The following ATG10 variants were observed in gnomAD, a reference collection of about 807,000 sequenced individuals.
The protein encoded by ATG10 is ubiquitin-like-conjugating enzyme ATG10.
A neutral mutation model predicts 32.1 loss-of-function variants in ATG10; 30 were observed. That is an observed-to-expected ratio of 0.94 (90% CI 0.70 to 1.27). The LOEUF (loss-of-function observed/expected upper bound fraction) is 1.27. Among genes scored for constraint, ATG10 ranks in the 50% most tolerant of loss-of-function variants. The pLI, the probability that ATG10 is intolerant of heterozygous loss-of-function variation, is 0.00. For synonymous variants in ATG10, 87 were observed against 91.5 expected, an observed-to-expected ratio of 0.95 and a Z score of 0.28; for missense variants, 233 against 262.3, an observed-to-expected ratio of 0.89 and a Z score of 0.77.
At chr5:82,036,427 CT>C (rs1426742340) in intron 2 of ATG10, among the ~76,000 whole-genome samples, 1 of 152,010 alleles carries the variant, frequency 6.6e-6, no homozygotes, top group African/African-American at 2.4e-5. Context: ...AACCCCATCT[CT>C]ACTAAAAATA....
At chr5:81,992,430 A>T (rs943296896) in intron 2 of ATG10, 18 of 151,092 alleles carry the variant, frequency 1.2e-4, no homozygotes, top group African/African-American at 4.4e-4. Context: ...TTTTGAGACG[A>T]AGTCTCTGTC....
At chr5:82,101,763 C>A (rs951656645) in intron 3 of ATG10, among the ~76,000 whole-genome samples, 3 of 152,078 alleles carry the variant, frequency 2.0e-5, no homozygotes, top group Non-Finnish European at 2.9e-5. Context: ...TAGGAAGAGA[C>A]CTGATATGTA....
chr5:82,251,491 A>C (rs1308652064), intron 5 of ATG10, among the ~76,000 whole-genome samples: 1 of 152,154 alleles, frequency 6.6e-6, no homozygotes, highest in Non-Finnish European at 1.5e-5. Context: ...ACAAATAGGG[A>C]GGTCTGGCAT....
intron 3 of ATG10, among the ~76,000 whole-genome samples, chr5:82,089,734 GA>G (rs1360526843): frequency 6.6e-6 from 1 of 151,834 alleles, no homozygotes; most frequent in Non-Finnish European, 1.5e-5. Context: ...TCCATAAAAA[GA>G]AAAACTGATA....
rs111942684 is a variant in ATG10 at position 82,081,746 on chromosome 5, T to C, written c.216+23144T>C. 8.5e-3 allele frequency among the ~76,000 whole-genome samples: 1,296 copies of C among 152,358 alleles called. 15 individuals carry two copies. The highest frequency in any genetic ancestry group is 0.029 in the African/African-American group (1,215 of 41,580). ...GTGGATAAGCTTTTGGATGTGCTGC[T>C]GGATTCGGTTTGCCAGTATTTTATT... On this transcript the variant is annotated intron_variant, in intron 3 of 7. Transcript: ENST00000282185.
At chr5:82,250,634 A>G (rs1481836313) in intron 5 of ATG10, among the ~76,000 whole-genome samples, 1 of 152,002 alleles carries the variant, frequency 6.6e-6, no homozygotes, top group Non-Finnish European at 1.5e-5. Context: ...CTCCAGAATC[A>G]TGTTACCCTG....
chr5:82,210,239 A>G (rs1441531512), intron 5 of ATG10, among the ~76,000 whole-genome samples: 1 of 152,198 alleles, frequency 6.6e-6, no homozygotes, highest in Non-Finnish European at 1.5e-5. Flanking sequence ...TAAAAAATTT[A>G]CAGAGATACT....
At chr5:81,999,499 C>T (rs1761784036) in intron 2 of ATG10, among the ~76,000 whole-genome samples, 1 of 151,816 alleles carries the variant, frequency 6.6e-6, no homozygotes. Flanking sequence ...AGACCAACCC[C>T]AAAGCTAGCA....
intron 3 of ATG10, among the ~76,000 whole-genome samples, chr5:82,133,544 G>A (rs1420809940): frequency 2.0e-5 from 3 of 152,060 alleles, no homozygotes; most frequent in Middle Eastern, 6.8e-3. Context: ...GATGTGTGGT[G>A]TTATTTCTGA....
intron 5 of ATG10, among the ~76,000 whole-genome samples, chr5:82,182,592 T>C (rs2149930635): frequency 6.6e-6 from 1 of 152,244 alleles, no homozygotes; most frequent in East Asian, 1.9e-4. Flanking sequence ...CTTCAAAGAA[T>C]TATGCTGAGT....
In ATG10 at chr5:82,014,730, C is replaced by A. The variant is rs557709147; in HGVS notation, c.108+27052C>A. Among the ~76,000 whole-genome samples the A allele has an allele frequency of 6.6e-5, 10 of 152,152 alleles. No homozygotes were observed. The East Asian group carries it at 1.5e-3, about 23-fold the overall frequency. On this transcript the variant is annotated intron_variant, in intron 2 of 7. Coordinates refer to ENST00000282185, the MANE Select transcript of ATG10 (RefSeq NM_031482.5). ...TTTTGAGCCTATGTGTGTCTCTGCA[C>A]GTGAGATGGGTCTCCTGAATACAGC... is the stretch of plus-strand genomic sequence containing the variant.
At position 82,109,209 on chromosome 5, in the gene ATG10, AT is replaced by A. The variant is rs769844855; in HGVS notation, c.216+50609del. 3.3e-5 allele frequency among the ~76,000 whole-genome samples: 5 copies of A among 152,196 alleles called. No individual in the cohort carries two copies. The East Asian group carries it at 5.8e-4, about 18-fold the overall frequency. On this transcript the variant is annotated intron_variant, in intron 3 of 7. Transcript: ENST00000282185. ...TGTTCCTCAATCAGCAAATATTTGC[AT>A]TCTTGCTGTGTGCAAGGCCTTTGCC...
chr5:82,044,682 G>T (rs1256803866), intron 2 of ATG10, among the ~76,000 whole-genome samples: 3 of 152,128 alleles, frequency 2.0e-5, no homozygotes, highest in Admixed American at 1.3e-4. Flanking sequence ...TTGGACCACA[G>T]CTAAGGCATT....
intron 4 of ATG10, among the ~76,000 whole-genome samples, chr5:82,167,583 A>T (rs988465519): frequency 6.6e-6 from 1 of 152,196 alleles, no homozygotes; most frequent in Non-Finnish European, 1.5e-5. Flanking sequence ...GACCCAAACC[A>T]TCTATGTATC....
chr5:82,196,540 AT>A (rs1364748254), intron 5 of ATG10, among the ~76,000 whole-genome samples: 1 of 152,132 alleles, frequency 6.6e-6, no homozygotes, highest in Non-Finnish European at 1.5e-5. Flanking sequence ...TCTTTCATCT[AT>A]TTTAACTTAT....
chr5:81,987,592 G>A lies in ATG10; in HGVS notation c.22G>A (p.Gly8Arg). The change falls in exon 2 of 8, where the codon GGA (glycine) becomes AGA (arginine). Residue 8 changes from glycine (G) to arginine (R), a missense_variant. Transcript: ENST00000282185. ...TAACATGGAAGAAGATGAGTTCATT[G>A]GAGAAAAAACATTCCAACGTTATTG... is the stretch of plus-strand genomic sequence containing the variant. MEEDEFI[G>R]EKTFQRYCAE... 1 of 1,610,676 alleles carries A rather than the reference G, an allele frequency of 6.2e-7. No individual in the cohort carries two copies. The highest frequency in any genetic ancestry group is 1.3e-5 in the African/African-American group (1 of 74,892).
chr5:82,108,751 A>G (rs925281873), intron 3 of ATG10, among the ~76,000 whole-genome samples: 1 of 152,002 alleles, frequency 6.6e-6, no homozygotes, highest in South Asian at 2.1e-4. Context: ...ATATTTAAAC[A>G]CAAGGCAGAA....
intron 3 of ATG10, among the ~76,000 whole-genome samples, chr5:82,129,174 A>C (rs1025390589): frequency 6.6e-6 from 1 of 151,714 alleles, no homozygotes; most frequent in African/African-American, 2.4e-5. Context: ...CGAAGTTCTC[A>C]TGCTGTGTTT....
chr5:81,975,086 T>C (rs1581554253), intron 1 of ATG10, among the ~76,000 whole-genome samples: 1 of 152,184 alleles, frequency 6.6e-6, no homozygotes, highest in Non-Finnish European at 1.5e-5. Context: ...TTTCCTTATC[T>C]ATAAAATAAA....
Sources: allele counts gnomAD v4.1 joint callset (sites outside exome capture counted in the v4.1 genomes callset), GRCh38; gene constraint gnomAD v4.1.1; transcripts MANE v1.5; gene names NCBI Gene and HGNC (gene_info 2026-07-23, HGNC 2026-07-21).